The following PSMC3IP variants were observed in gnomAD, a reference collection of about 807,000 sequenced individuals.
The protein encoded by PSMC3IP is homologous-pairing protein 2 homolog.
In PSMC3IP, 26 loss-of-function variants were observed where a neutral mutation model predicts 34.9. That is an observed-to-expected ratio of 0.74 (90% CI 0.55 to 1.03). The LOEUF (loss-of-function observed/expected upper bound fraction) is 1.03, where lower values mean the gene tolerates loss of function less well. PSMC3IP is among the 50% of genes least tolerant of loss of function. PSMC3IP has a pLI of 0.00. For missense variants in PSMC3IP, 250 were observed against 263.1 expected (o/e 0.95, Z 0.34); for synonymous variants, 87 against 96.5 (o/e 0.90, Z 0.57).
chr17:42,574,250 A>C, intron 3 of PSMC3IP, 40 bp from the exon 4 acceptor site: 1 of 1,597,800 alleles, frequency 6.3e-7, no homozygotes, highest in Non-Finnish European at 8.5e-7. Flanking sequence ...AACTGTTGTG[A>C]GGCACAAAGA....
In PSMC3IP at chr17:42,577,533, C is replaced by G; in HGVS notation, c.63G>C (p.Gln21His). The G allele has an allele frequency of 6.2e-7, 1 of 1,614,210 alleles. No homozygotes were observed. Among genetic ancestry groups the G allele is most frequent in the Non-Finnish European group, 8.5e-7 (1 of 1,180,038 alleles). Reference protein sequence around the residue: ...GAAGILLRYLQEQNRPYSSQD... With the variant: ...GAAGILLRYLHEQNRPYSSQD... ...GGGAGCTGTAGGGCCGGTTCTGCTC[C>G]TGCAGGTACCTCAGGAGGATCCCGG... Residue 21 changes from glutamine to histidine, a missense_variant, in exon 2 of 8, where the codon CAG (glutamine) becomes CAC (histidine). Transcript: ENST00000393795.
chr17:42,577,742 G>A (rs1308911305), upstream of PSMC3IP: 1 of 1,604,566 alleles, frequency 6.2e-7, no homozygotes, highest in African/African-American at 1.3e-5. Flanking sequence ...TCGGGGCGAC[G>A]GCTCCTTCCG....
chr17:42,576,953 G>A (rs761114334), intron 3 of PSMC3IP: 3 of 675,860 alleles, frequency 4.4e-6, no homozygotes, highest in African/African-American at 1.8e-5. Context: ...TAATGTAGAT[G>A]ATAAGGAATA....
chr17:42,573,924 T>A, intron 4 of PSMC3IP, 175 bp downstream of exon 4: 1 of 1,533,076 alleles, frequency 6.5e-7, no homozygotes, highest in Non-Finnish European at 8.7e-7. Flanking sequence ...TGTCCATTTG[T>A]TGGTACACAA....
At chr17:42,573,930 C>T (rs2093055250) in intron 4 of PSMC3IP, 169 bp downstream of exon 4, 1 of 1,533,276 alleles carries the variant, frequency 6.5e-7, no homozygotes, top group East Asian at 2.4e-5. Flanking sequence ...TTTGTTGGTA[C>T]ACAAAAGCCG....
intron 4 of PSMC3IP, 68 bp from the exon 5 acceptor site, chr17:42,573,691 G>A: frequency 6.3e-7 from 1 of 1,581,228 alleles, no homozygotes; most frequent in South Asian, 1.1e-5. Flanking sequence ...CCCAGTGGGT[G>A]CTCCCTGAGG....
intron 6 of PSMC3IP, 23 bp from the exon 7 acceptor site, chr17:42,573,189 G>A (rs201489933): frequency 2.8e-5 from 45 of 1,614,132 alleles, no homozygotes; most frequent in Admixed American, 1.2e-4. Flanking sequence ...AAAACCACCC[G>A]TTTTCAGATG....
rs1393876751 is a variant in PSMC3IP, at chr17:42,572,545, G to A, written c.*423C>T. The A allele has an allele frequency of 3.5e-5, 16 of 453,684 alleles. No homozygotes were observed. In the East Asian group the frequency reaches 5.5e-4, roughly 16 times the overall value. The allele number at this position is 453,684 out of a possible 1,614,324, so 28.1% of individuals were successfully genotyped here. A position where few individuals can be genotyped will look rare whatever the true frequency, so the allele number is the denominator to read the frequency against. On this transcript the variant is annotated 3_prime_UTR_variant, in exon 8 of 8. Coordinates refer to ENST00000393795, the MANE Select transcript of PSMC3IP (RefSeq NM_016556.4). ...AGCCCAGCAGGTCCTGAGTGAAGCC[G>A]TGGGCCCTCCAAATGCTCGTTTTAT...
intron 4 of PSMC3IP, chr17:42,573,854 T>G: frequency 6.5e-7 from 1 of 1,531,814 alleles, no homozygotes. Context: ...GAAGCAGGAA[T>G]AAAGGGAAAC....
intron 4 of PSMC3IP, 71 bp from the exon 5 acceptor site, chr17:42,573,694 C>T: frequency 6.3e-7 from 1 of 1,580,974 alleles, no homozygotes; most frequent in Non-Finnish European, 8.7e-7. Flanking sequence ...AGTGGGTGCT[C>T]CCTGAGGTGT....
At chr17:42,574,468 G>A (rs1597724369) in intron 3 of PSMC3IP, 4 of 1,025,422 alleles carry the variant, frequency 3.9e-6, no homozygotes, top group Non-Finnish European at 5.2e-6. Context: ...TACTGATTAG[G>A]ACAGAAATCT....
In PSMC3IP at chr17:42,573,521, A is replaced by C. The variant is rs753644777; in HGVS notation, c.440T>G (p.Ile147Ser). The C allele has an allele frequency of 3.1e-6, 5 of 1,614,122 alleles. No homozygotes were observed. The East Asian group carries it at 8.9e-5, about 29-fold the overall frequency. The change falls in exon 5 of 8, where the codon ATT (isoleucine) becomes AGT (serine). Residue 147 changes from isoleucine (I) to serine (S), a missense_variant. Transcript: ENST00000393795. ...AGTCACATGATTGGTAGCTGCTTTAATGTTCTTCAATCTCTCTCTGTAGCC... is the reference window on the plus strand; with the variant it reads ...AGTCACATGATTGGTAGCTGCTTTACTGTTCTTCAATCTCTCTCTGTAGCC... ...CAGYRERLKN[I>S]KAATNHVTPE...
At position 42,573,351 on chromosome 17, in the gene PSMC3IP, C is replaced by T. The variant is rs767374790; in HGVS notation, c.497G>A (p.Arg166Lys). ...CCTCCACTCCTTACAGTACTTCTGC[C>T]TCTCTCTGTACACCTAGAAGGAAAA... ...PEEKEQVYRE[R>K]QKYCKEWRKR... Residue 166 changes from arginine (R) to lysine (K), a missense_variant, in exon 6 of 8, where the codon AGG becomes AAG. Physicochemically the swap from Arg to Lys is conservative, Grantham distance 26 (BLOSUM62 2). Coordinates refer to ENST00000393795, the MANE Select transcript of PSMC3IP (RefSeq NM_016556.4). 24 of 1,614,028 alleles carry T rather than the reference C, an allele frequency of 1.5e-5. No individual in the cohort carries two copies. Among genetic ancestry groups the T allele is most frequent in the South Asian group, 4.4e-5 (4 of 91,096 alleles).
chr17:42,577,060 C>A, intron 3 of PSMC3IP, 153 bp downstream of exon 3: 1 of 1,514,128 alleles, frequency 6.6e-7, no homozygotes, highest in Non-Finnish European at 8.9e-7. Context: ...AGTTGGGATC[C>A]TAACAAGAGG....
intron 3 of PSMC3IP, chr17:42,576,981 A>G (rs2093079330): frequency 5.9e-6 from 6 of 1,011,158 alleles, no homozygotes; most frequent in Admixed American, 2.7e-5. Flanking sequence ...TGGAGCGGAA[A>G]TGGATCTTGG....
intron 3 of PSMC3IP, among the ~76,000 whole-genome samples, chr17:42,575,852 C>A (rs978880763): frequency 2.1e-5 from 3 of 139,648 alleles, no homozygotes; most frequent in Admixed American, 7.0e-5. Flanking sequence ...ACTAAAAATA[C>A]CAAAAAAAAA....
At chr17:42,574,816 C>T (rs1417671107) in intron 3 of PSMC3IP, among the ~76,000 whole-genome samples, 1 of 145,294 alleles carries the variant, frequency 6.9e-6, no homozygotes, top group Non-Finnish European at 1.5e-5. Flanking sequence ...TGCAGTGGTG[C>T]AATCTTGGCT....
intron 4 of PSMC3IP, 181 bp from the exon 5 acceptor site, chr17:42,573,804 G>A (rs1343838789): frequency 8.5e-6 from 13 of 1,522,036 alleles, no homozygotes; most frequent in Non-Finnish European, 1.1e-5. Flanking sequence ...AAGTGGCGTG[G>A]GTGTGAGGTT....
chr17:42,574,966 C>T (rs1306914912), intron 3 of PSMC3IP, among the ~76,000 whole-genome samples: 1 of 152,182 alleles, frequency 6.6e-6, no homozygotes, highest in Non-Finnish European at 1.5e-5. Context: ...GTTGCCCAGG[C>T]TGGTCTCAAA....
Sources: gnomAD v4.1 joint callset for allele counts (sites outside exome capture counted in the v4.1 genomes callset) on GRCh38, gnomAD v4.1.1 for gene constraint, MANE v1.5 for transcripts, NCBI Gene and HGNC (gene_info 2026-07-23, HGNC 2026-07-21) for gene names.